Variants in GRIK2 observed in about 807,000 individuals in gnomAD.
GRIK2 encodes glutamate receptor ionotropic, kainate 2.
A neutral mutation model predicts 100.3 loss-of-function variants in GRIK2; 32 were observed. The observed-to-expected ratio is 0.32, with a 90% CI of 0.24 to 0.43. The LOEUF (loss-of-function observed/expected upper bound fraction) is 0.43. Ranked by LOEUF, GRIK2 falls within the 20% of genes least tolerant of loss-of-function variation. The pLI is 1.00. For synonymous variants in GRIK2, 417 were observed against 389.4 expected, an observed-to-expected ratio of 1.07 and a Z score of -0.83; for missense variants, 843 against 1,114.9, an observed-to-expected ratio of 0.76 and a Z score of 3.47.
chr6:101,952,604 A>G (rs1354287889), intron 14 of GRIK2, among the ~76,000 whole-genome samples: 1 of 150,010 alleles, frequency 6.7e-6, no homozygotes, highest in Non-Finnish European at 1.5e-5. Flanking sequence ...AATCACCACA[A>G]TATTTTTTTT....
chr6:101,452,284 T>C (rs1396489051), intron 2 of GRIK2, among the ~76,000 whole-genome samples: 1 of 151,734 alleles, frequency 6.6e-6, no homozygotes, highest in South Asian at 2.1e-4. Context: ...TATGTAGCAA[T>C]AGTAAAAACC....
intron 14 of GRIK2, among the ~76,000 whole-genome samples, chr6:101,969,065 A>T (rs1792876758): frequency 6.6e-6 from 1 of 152,000 alleles, no homozygotes; most frequent in South Asian, 2.1e-4. Context: ...TGACTGAATA[A>T]AATATTTGCA....
intron 7 of GRIK2, among the ~76,000 whole-genome samples, chr6:101,705,953 G>T (rs951452400): frequency 6.6e-6 from 1 of 151,846 alleles, no homozygotes; most frequent in Non-Finnish European, 1.5e-5. Context: ...TAATCTTCTT[G>T]TTGCTACTGT....
At chr6:101,425,079 G>T (rs1776631910) in intron 2 of GRIK2, among the ~76,000 whole-genome samples, 2 of 151,958 alleles carry the variant, frequency 1.3e-5, no homozygotes, top group Admixed American at 1.3e-4. Context: ...TGGACATGTG[G>T]GTTGGTTCCA....
rs370862942 is a variant in GRIK2, at chr6:101,891,289, C to T, written c.1748+1426C>T. ...ATCCCAGCACTTTGGGAGGCCAAGG[C>T]GGGCGGATCACAAAGTCAGGAGATT... On this transcript the variant is annotated intron_variant, in intron 12 of 16. Transcript: ENST00000369134. Among the ~76,000 whole-genome samples the T allele has an allele frequency of 5.3e-4, 80 of 151,720 alleles. 1 individual carries two copies. Among genetic ancestry groups the T allele is most frequent in the African/African-American group, 1.3e-3 (55 of 41,416 alleles).
chr6:101,699,867 C>A (rs1772758800), intron 7 of GRIK2, among the ~76,000 whole-genome samples: 1 of 152,080 alleles, frequency 6.6e-6, no homozygotes, highest in East Asian at 1.9e-4. Flanking sequence ...TACACCAAAG[C>A]CGGGCTTGGT....
intron 7 of GRIK2, among the ~76,000 whole-genome samples, chr6:101,693,471 C>A (rs941046577): frequency 1.4e-4 from 21 of 151,398 alleles, no homozygotes; most frequent in Admixed American, 1.3e-3. Context: ...TAGGTTTGTT[C>A]ATTGTCTGGG....
At chr6:101,852,179 T>C (rs1784171557) in intron 10 of GRIK2, among the ~76,000 whole-genome samples, 2 of 152,064 alleles carry the variant, frequency 1.3e-5, no homozygotes, top group African/African-American at 2.4e-5. Context: ...TCCTTTTAAG[T>C]AAAACAAAAC....
chr6:101,685,301 G>T (rs1333443325), intron 6 of GRIK2, among the ~76,000 whole-genome samples: 1 of 152,144 alleles, frequency 6.6e-6, no homozygotes, highest in African/African-American at 2.4e-5. Context: ...GCCAATGCCA[G>T]CTGCTTTCCA....
chr6:101,736,120 G>T (rs1209005397), intron 7 of GRIK2, among the ~76,000 whole-genome samples: 1 of 152,162 alleles, frequency 6.6e-6, no homozygotes, highest in Non-Finnish European at 1.5e-5. Flanking sequence ...TAAGATGTGG[G>T]TTCCCATGGT....
chr6:101,591,037 A>G (rs1216712880), intron 2 of GRIK2, among the ~76,000 whole-genome samples: 2 of 152,008 alleles, frequency 1.3e-5, no homozygotes, highest in African/African-American at 4.8e-5. Flanking sequence ...TTGGACACCT[A>G]TTAAAATAAT....
intron 4 of GRIK2, among the ~76,000 whole-genome samples, chr6:101,663,185 A>G (rs1769758868): frequency 6.6e-6 from 1 of 152,136 alleles, no homozygotes; most frequent in African/African-American, 2.4e-5. Flanking sequence ...CCAGTATAAA[A>G]CCAATAACAG....
intron 2 of GRIK2, among the ~76,000 whole-genome samples, chr6:101,429,356 A>C (rs1460321091): frequency 6.6e-6 from 1 of 152,204 alleles, no homozygotes. Flanking sequence ...ACACTTAACT[A>C]GAGAGAGATG....
intron 2 of GRIK2, among the ~76,000 whole-genome samples, chr6:101,524,861 A>G (rs2852544): frequency 0.11 from 16,037 of 151,834 alleles, 1,010 homozygotes; most frequent in Middle Eastern, 0.13. Context: ...ACTTCCGAGT[A>G]GCTGGGATTA....
At chr6:101,418,517 G>A (rs1776263335) in intron 2 of GRIK2, among the ~76,000 whole-genome samples, 1 of 152,138 alleles carries the variant, frequency 6.6e-6, no homozygotes, top group African/African-American at 2.4e-5. Flanking sequence ...TGTTGCAAAC[G>A]ATTGTCTTTT....
chr6:101,855,827 G>T (rs1295368198), intron 10 of GRIK2, among the ~76,000 whole-genome samples: 3 of 152,082 alleles, frequency 2.0e-5, no homozygotes, highest in African/African-American at 4.8e-5. Context: ...TGGACTGAGG[G>T]GGGGCAGAAA....
intron 7 of GRIK2, among the ~76,000 whole-genome samples, chr6:101,795,930 C>G (rs767201968): frequency 1.3e-5 from 2 of 152,198 alleles, no homozygotes; most frequent in Non-Finnish European, 1.5e-5. Flanking sequence ...TCTATAATCT[C>G]TACCTTTTCT....
chr6:101,702,118 C>T (rs567708851), intron 7 of GRIK2, among the ~76,000 whole-genome samples: 1 of 151,782 alleles, frequency 6.6e-6, no homozygotes, highest in Non-Finnish European at 1.5e-5. Flanking sequence ...TTCAATTAAA[C>T]ATTACATAAA....
rs556125799 is a variant in GRIK2, at chr6:102,000,884, C to A, written c.2086-34457C>A. 2.0e-5 allele frequency among the ~76,000 whole-genome samples: 3 copies of A among 152,102 alleles called. No individual in the cohort carries two copies. The South Asian group carries it at 6.2e-4, about 32-fold the overall frequency. ...TCTATATGTCTGTTTTCTAGTTAAT[C>A]ATTTTCCACTATAATCTATATTATG... On this transcript the variant is annotated intron_variant, in intron 14 of 16. Coordinates refer to ENST00000369134, the MANE Select transcript of GRIK2 (RefSeq NM_021956.5).
Sources: gnomAD v4.1 joint callset for allele counts (sites outside exome capture counted in the v4.1 genomes callset) on GRCh38, gnomAD v4.1.1 for gene constraint, MANE v1.5 for transcripts, NCBI Gene and HGNC (gene_info 2026-07-23, HGNC 2026-07-21) for gene names.